Variants in RELN observed in about 807,000 individuals in gnomAD.
RELN encodes reelin.
In RELN, 108 loss-of-function variants were observed where a neutral mutation model predicts 427.6. The ratio of observed to expected loss-of-function variants is 0.25; its 90% CI spans 0.22 to 0.30. The LOEUF is 0.30. RELN is among the 10% of genes least tolerant of loss of function. The probability of loss-of-function intolerance (pLI) is 1.00; values close to 1 mark genes in which losing one functional copy is unlikely to be tolerated. For synonymous variants in RELN, 1,524 were observed against 1,513.4 expected (o/e 1.01, Z -0.16); for missense variants, 3,715 against 4,302.8 (o/e 0.86, Z 3.82).
chr7:103,872,983 G>A (rs1348028110), intron 2 of RELN, among the ~76,000 whole-genome samples: 1 of 151,624 alleles, frequency 6.6e-6, no homozygotes, highest in African/African-American at 2.4e-5. Context: ...AGATGAGTAG[G>A]TTGAGAAAAT....
rs759752212 is a variant in RELN, at chr7:103,759,126, ACTT to A, written c.545-5915_545-5913del. The stretch of plus-strand genomic sequence containing the variant: ...TTGAAAAAAATAGATTGCTTATAGA[ACTT>A]CTTTTTTAAAAAATTCAACTGTACT... On this transcript the variant is annotated intron_variant, in intron 4 of 64. Transcript: ENST00000428762. 4.9e-4 allele frequency among the ~76,000 whole-genome samples: 75 copies of A among 152,102 alleles called. 2 individuals are homozygous for A. Among genetic ancestry groups the A allele is most frequent in the Non-Finnish European group, 1.6e-4 (11 of 67,970 alleles).
intron 2 of RELN, among the ~76,000 whole-genome samples, chr7:103,901,644 A>T (rs1384250906): frequency 6.6e-6 from 1 of 152,068 alleles, no homozygotes; most frequent in African/African-American, 2.4e-5. Context: ...GAAGCTAGTC[A>T]CAAAAGGTCA....
chr7:103,833,109 G>C (rs995468950), intron 3 of RELN, among the ~76,000 whole-genome samples: 1 of 151,726 alleles, frequency 6.6e-6, no homozygotes, highest in Non-Finnish European at 1.5e-5. Flanking sequence ...CTTTTTTTGT[G>C]ATGTGAATGT....
At chr7:103,917,050 T>C in intron 2 of RELN, 25 bp downstream of exon 2, 1 of 1,558,158 alleles carries the variant, frequency 6.4e-7, no homozygotes. Context: ...TACCCCCAAA[T>C]TTCTGGTTTG....
At chr7:103,787,230 C>T (rs931090079) in intron 3 of RELN, among the ~76,000 whole-genome samples, 1 of 152,192 alleles carries the variant, frequency 6.6e-6, no homozygotes, top group South Asian at 2.1e-4. Context: ...GCATCAAATG[C>T]CCACAGGAGA....
At chr7:103,871,966 A>G (rs1016244653) in intron 2 of RELN, among the ~76,000 whole-genome samples, 2 of 151,030 alleles carry the variant, frequency 1.3e-5, no homozygotes, top group African/African-American at 4.8e-5. Flanking sequence ...TATAATGCTA[A>G]TTATTCACAT....
At chr7:103,901,396 C>A (rs1230103446) in intron 2 of RELN, among the ~76,000 whole-genome samples, 2 of 152,040 alleles carry the variant, frequency 1.3e-5, no homozygotes, top group Middle Eastern at 3.4e-3. Context: ...CAATTCTACA[C>A]CCAGGTATAT....
Position 103,779,466 on chromosome 7 carries a change from T to A in RELN, c.474-2839A>T, listed in dbSNP as rs532010315. Among the ~76,000 whole-genome samples the A allele has an allele frequency of 2.0e-5, 3 of 152,238 alleles. No individual in the cohort carries two copies. In the East Asian group the frequency reaches 5.8e-4, roughly 29 times the overall value. On this transcript the variant is annotated intron_variant, in intron 3 of 64. Transcript: ENST00000428762. ...CTAGGCACTGCTGTAGGGCTTTACA[T>A]AAATTAACTCAGTTAATCCTGTTAA...
At chr7:103,785,213 C>G (rs1003357670) in intron 3 of RELN, among the ~76,000 whole-genome samples, 1 of 151,992 alleles carries the variant, frequency 6.6e-6, no homozygotes, top group Non-Finnish European at 1.5e-5. Context: ...CTTTCCACAC[C>G]ACCTTTTAAA....
intron 44 of RELN, 78 bp downstream of exon 44, chr7:103,540,119 G>A (rs1830144707): frequency 6.5e-7 from 1 of 1,532,334 alleles, no homozygotes; most frequent in African/African-American, 1.4e-5. Flanking sequence ...TGAGCAAGCA[G>A]GTTGAACTAA....
At chr7:103,761,525 T>A (rs1245894868) in intron 4 of RELN, among the ~76,000 whole-genome samples, 1 of 152,120 alleles carries the variant, frequency 6.6e-6, no homozygotes, top group Non-Finnish European at 1.5e-5. Flanking sequence ...GCATCTTGGC[T>A]CACTGCAATC....
intron 11 of RELN, among the ~76,000 whole-genome samples, chr7:103,668,638 A>T (rs561149857): frequency 2.0e-5 from 3 of 152,360 alleles, no homozygotes; most frequent in South Asian, 2.1e-4. Context: ...TTTTAAAAAA[A>T]TTTTAACAGA....
At position 103,564,715 on chromosome 7, in the gene RELN, C is replaced by T. The variant is rs1830710737; in HGVS notation, c.5210+563G>A. Among the ~76,000 whole-genome samples the T allele has an allele frequency of 3.3e-5, 5 of 152,024 alleles. No individual in the cohort carries two copies. The South Asian group carries it at 1.0e-3, about 32-fold the overall frequency. On this transcript the variant is annotated intron_variant, in intron 34 of 64. Transcript: ENST00000428762. Reference sequence around the variant, plus strand: ...GGGGGAGCAGTCACAGGAGGTACAGCCTCTAACCAGTCACCACAGTACCCG... The same window carrying T: ...GGGGGAGCAGTCACAGGAGGTACAGTCTCTAACCAGTCACCACAGTACCCG...
chr7:103,722,300 G>C (rs10280665), intron 8 of RELN, among the ~76,000 whole-genome samples: 39,875 of 152,036 alleles, frequency 0.26, 5,392 homozygotes, highest in South Asian at 0.38. Context: ...AGAATCCTGA[G>C]AGAAACAGTC....
At chr7:103,912,366 A>G (rs1031108990) in intron 2 of RELN, among the ~76,000 whole-genome samples, 1 of 151,950 alleles carries the variant, frequency 6.6e-6, no homozygotes, top group Admixed American at 6.6e-5. Context: ...TTGTATTTTT[A>G]GTAGAGATGG....
chr7:103,902,047 G>C (rs1352020083), intron 2 of RELN, among the ~76,000 whole-genome samples: 1 of 151,836 alleles, frequency 6.6e-6, no homozygotes, highest in East Asian at 1.9e-4. Flanking sequence ...GGGGAAAGCT[G>C]GCTATTAACA....
intron 2 of RELN, among the ~76,000 whole-genome samples, chr7:103,890,275 T>G (rs1794818214): frequency 6.6e-6 from 1 of 151,986 alleles, no homozygotes; most frequent in African/African-American, 2.4e-5. Flanking sequence ...TTTGGCCCAA[T>G]GTGTCCATCA....
chr7:103,708,871 C>T (rs367862795), intron 8 of RELN, among the ~76,000 whole-genome samples: 1 of 152,148 alleles, frequency 6.6e-6, no homozygotes, highest in East Asian at 1.9e-4. Flanking sequence ...AACCCCGTCA[C>T]TCGTTGACCT....
chr7:103,685,328 C>T (rs1447515150), intron 10 of RELN, among the ~76,000 whole-genome samples: 1 of 151,900 alleles, frequency 6.6e-6, no homozygotes. Context: ...ACTTCAAAAC[C>T]AATTAAATGT....
Sources: allele counts gnomAD v4.1 joint callset (sites outside exome capture counted in the v4.1 genomes callset), GRCh38; gene constraint gnomAD v4.1.1; transcripts MANE v1.5; gene names NCBI Gene and HGNC (gene_info 2026-07-23, HGNC 2026-07-21).